EXT2: variants seen among roughly 807,000 people sequenced by gnomAD.
EXT2 encodes the protein exostosin-2.
EXT2 carries 53 observed loss-of-function variants against 81.6 expected under a neutral mutation model. The ratio of observed to expected loss-of-function variants is 0.65; its 90% CI spans 0.52 to 0.82. EXT2 has a LOEUF of 0.82. Among genes scored for constraint, EXT2 ranks in the 40% least tolerant of loss-of-function variants. The pLI, the probability that EXT2 is intolerant of heterozygous loss-of-function variation, is 0.00. For missense variants in EXT2, 774 were observed against 910.2 expected (o/e 0.85, Z 1.93); for synonymous variants, 320 against 340.0 (o/e 0.94, Z 0.65).
rs1956074283 is a variant in EXT2, at chr11:44,244,407, G to A, written c.*120G>A. 2.8e-6 allele frequency: 3 copies of A among 1,083,928 alleles called. No homozygotes were observed. The Admixed American group carries it at 5.5e-5, about 20-fold the overall frequency. 67.1% of individuals were successfully genotyped at this position (1,083,928 alleles called of 1,614,324 possible). A position where few individuals can be genotyped will look rare whatever the true frequency, so the allele number is the denominator to read the frequency against. ...TGGAAGGTTGACCTACTTGGATCTTGGCATGCACCCACCTAACCCACTTTC... is the reference window on the plus strand; with the variant it reads ...TGGAAGGTTGACCTACTTGGATCTTAGCATGCACCCACCTAACCCACTTTC... On this transcript the variant is annotated 3_prime_UTR_variant, in exon 14 of 14. Transcript: ENST00000533608.
chr11:44,239,557 T>C (rs1956010613), intron 13 of EXT2, among the ~76,000 whole-genome samples: 1 of 151,812 alleles, frequency 6.6e-6, no homozygotes, highest in Admixed American at 6.6e-5. Flanking sequence ...CGTGCCCGGC[T>C]AATTTTTTGT....
At chr11:44,214,785 T>C (rs1955697308) in intron 10 of EXT2, among the ~76,000 whole-genome samples, 2 of 151,708 alleles carry the variant, frequency 1.3e-5, no homozygotes, top group South Asian at 2.1e-4. Context: ...AGGGTCTCAC[T>C]CTGTCACCCA....
intron 7 of EXT2, among the ~76,000 whole-genome samples, chr11:44,167,964 C>A (rs922460359): frequency 2.7e-5 from 4 of 149,036 alleles, no homozygotes; most frequent in African/African-American, 1.0e-4. Flanking sequence ...TCCCTCCCCC[C>A]TCCCCACTCC....
Position 44,249,706 on chromosome 11 carries a change from A to G in EXT2, c.*5419A>G, listed in dbSNP as rs1422598108. ...ACAGCTGAAGACCAACCAACTAGTT[A>G]CTGATCCAGATGAGGGAAGAGAACA... On this transcript the variant is annotated 3_prime_UTR_variant, in exon 14 of 14. Coordinates refer to ENST00000533608, the MANE Select transcript of EXT2 (RefSeq NM_207122.2). 6.6e-6 allele frequency among the ~76,000 whole-genome samples: 1 copy of G among 152,246 alleles called. No individual in the cohort carries two copies. Among genetic ancestry groups the G allele is most frequent in the Admixed American group, 6.5e-5 (1 of 15,286 alleles).
At chr11:44,147,532 G>C (rs550689998) in intron 7 of EXT2, among the ~76,000 whole-genome samples, 2 of 151,970 alleles carry the variant, frequency 1.3e-5, no homozygotes, top group South Asian at 2.1e-4. Flanking sequence ...TTATTAATGG[G>C]CTAGGCCTGG....
intron 8 of EXT2, among the ~76,000 whole-genome samples, chr11:44,173,284 T>G (rs1955103398): frequency 1.3e-5 from 2 of 152,138 alleles, no homozygotes; most frequent in Non-Finnish European, 2.9e-5. Flanking sequence ...TGAGGTGAAG[T>G]TTGCTTCTAT....
chr11:44,234,139 A>G lies in EXT2; in HGVS notation c.1831A>G (p.Lys611Glu), dbSNP rs1955931532. The G allele has an allele frequency of 6.2e-7, 1 of 1,614,014 alleles. No homozygotes were observed. Among genetic ancestry groups the G allele is most frequent in the African/African-American group, 1.3e-5 (1 of 74,938 alleles). Residue 611 changes from lysine to glutamate, a missense_variant, in exon 12 of 14, where the codon AAA becomes GAA. Lys to Glu is a moderately conservative substitution (Grantham distance 56, BLOSUM62 1). Around this residue, in one of 2 missense-constraint regions of EXT2, gnomAD observed 148 missense variants for 239.7 expected, o/e 0.62. Coordinates refer to ENST00000533608, the MANE Select transcript of EXT2 (RefSeq NM_207122.2). Reference sequence around the variant, plus strand: ...GTATTTTAATTACCTGTATACCTACAAAATGCCTGGGGATATCAAGAACTG... The same window carrying G: ...GTATTTTAATTACCTGTATACCTACGAAATGCCTGGGGATATCAAGAACTG... ...HKYFNYLYTYKMPGDIKNWVD... is the reference protein window; with the variant it reads ...HKYFNYLYTYEMPGDIKNWVD...
At chr11:44,242,823 G>A (rs1232608170) in intron 13 of EXT2, among the ~76,000 whole-genome samples, 4 of 152,144 alleles carry the variant, frequency 2.6e-5, no homozygotes, top group African/African-American at 9.7e-5. Flanking sequence ...AAGCCAGAAT[G>A]CCTGCTTTGG....
Position 44,206,254 on chromosome 11 carries a change from G to A in EXT2, c.1496-539G>A, listed in dbSNP as rs373276547. Reference sequence around the variant, plus strand: ...ACTGCATGATGGAGGTGGGCACGTCGGGGACCTTCGGCACATGCACTATAT... The same window carrying A: ...ACTGCATGATGGAGGTGGGCACGTCAGGGACCTTCGGCACATGCACTATAT... On this transcript the variant is annotated intron_variant, in intron 9 of 13. Coordinates refer to ENST00000533608, the MANE Select transcript of EXT2 (RefSeq NM_207122.2). Among the ~76,000 whole-genome samples the A allele has an allele frequency of 5.9e-5, 9 of 152,272 alleles. No homozygotes were observed. The South Asian group carries it at 1.0e-3, about 18-fold the overall frequency.
rs528056043 is a variant in EXT2, at chr11:44,173,776, G to A, written c.1305+2034G>A. ...GTGGAGACGGGGTTTCACTGTGTTA[G>A]CCAGGATGGTCTCATCTCCTGATCT... is the stretch of plus-strand genomic sequence containing the variant. On this transcript the variant is annotated intron_variant, in intron 8 of 13. Coordinates refer to ENST00000533608, the MANE Select transcript of EXT2 (RefSeq NM_207122.2). Among the ~76,000 whole-genome samples, 156 of 151,908 alleles carry A rather than the reference G, an allele frequency of 1.0e-3. No individual in the cohort carries two copies. In the Middle Eastern group the frequency reaches 0.014, roughly 13 times the overall value.
intron 9 of EXT2, 138 bp downstream of exon 9, chr11:44,198,156 T>A (rs1955480919): frequency 3.4e-6 from 3 of 893,550 alleles, no homozygotes; most frequent in Non-Finnish European, 5.3e-6. Context: ...TTTTTCTCAG[T>A]CATCTCATTC....
In EXT2 at chr11:44,211,341, G is replaced by A. The variant is rs192724105; in HGVS notation, c.1662+4382G>A. ...TAGCTGCACTCTCATATTCATTACA[G>A]CATTGTTCATAATAGCCAAGATATG... is the stretch of plus-strand genomic sequence containing the variant. On this transcript the variant is annotated intron_variant, in intron 10 of 13. Transcript: ENST00000533608. 1.6e-3 allele frequency among the ~76,000 whole-genome samples: 247 copies of A among 152,312 alleles called. 2 individuals carry two copies. Among genetic ancestry groups the A allele is most frequent in the Admixed American group, 3.5e-3 (54 of 15,306 alleles).
intron 7 of EXT2, among the ~76,000 whole-genome samples, chr11:44,136,437 C>G (rs751201154): frequency 6.6e-6 from 1 of 152,238 alleles, no homozygotes; most frequent in Non-Finnish European, 1.5e-5. Context: ...ATTCAAACCA[C>G]AGAGCTGTGT....
chr11:44,185,378 C>A (rs1955296660), intron 8 of EXT2, among the ~76,000 whole-genome samples: 2 of 152,046 alleles, frequency 1.3e-5, no homozygotes. Flanking sequence ...AATTTTTGTT[C>A]TATTTTATAC....
intron 7 of EXT2, among the ~76,000 whole-genome samples, chr11:44,141,778 C>T (rs1954649514): frequency 6.6e-6 from 1 of 152,116 alleles, no homozygotes; most frequent in Admixed American, 6.5e-5. Flanking sequence ...AAATAGCCTC[C>T]CTAATAAAAG....
At chr11:44,192,799 C>G (rs1955409204) in intron 8 of EXT2, among the ~76,000 whole-genome samples, 1 of 152,114 alleles carries the variant, frequency 6.6e-6, no homozygotes, top group Non-Finnish European at 1.5e-5. Flanking sequence ...TTAAATATCT[C>G]TATAAAATCC....
chr11:44,245,070 C>T lies in EXT2; in HGVS notation c.*783C>T, dbSNP rs1268449851. On this transcript the variant is annotated 3_prime_UTR_variant, in exon 14 of 14. Coordinates refer to ENST00000533608, the MANE Select transcript of EXT2 (RefSeq NM_207122.2). ...CACGCCAGGAGGAATGTCTGATACC[C>T]TCTGCATCAAGCGTAAGAAGGTCCC... 1 of 231,712 alleles carries T rather than the reference C, an allele frequency of 4.3e-6. No individual in the cohort carries two copies. Among genetic ancestry groups the T allele is most frequent in the East Asian group, 6.1e-5 (1 of 16,446 alleles). 14.4% of individuals were successfully genotyped at this position (231,712 alleles called of 1,614,324 possible).
At chr11:44,146,075 C>T (rs1280210169) in intron 7 of EXT2, among the ~76,000 whole-genome samples, 1 of 152,230 alleles carries the variant, frequency 6.6e-6, no homozygotes, top group East Asian at 1.9e-4. Flanking sequence ...TCTTCTGAGG[C>T]TTCTCTGCTT....
chr11:44,139,307 T>C (rs1954614189), intron 7 of EXT2, among the ~76,000 whole-genome samples: 1 of 152,090 alleles, frequency 6.6e-6, no homozygotes, highest in African/African-American at 2.4e-5. Flanking sequence ...TTCTAATCTT[T>C]TCTTTGCCTG....
Sources: gnomAD v4.1 joint callset for allele counts (sites outside exome capture counted in the v4.1 genomes callset) on GRCh38, gnomAD v4.1.1 for gene constraint, gnomAD v4.1.1 regional missense constraint, MANE v1.5 for transcripts, NCBI Gene and HGNC (gene_info 2026-07-23, HGNC 2026-07-21) for gene names.